NEDD9: variants seen among roughly 807,000 people sequenced by gnomAD.
NEDD9 encodes enhancer of filamentation 1.
NEDD9 carries 26 observed loss-of-function variants against 76.6 expected under a neutral mutation model. The ratio of observed to expected loss-of-function variants is 0.34; its 90% CI spans 0.25 to 0.47. The LOEUF is 0.47. Ranked by LOEUF, NEDD9 falls within the 20% of genes least tolerant of loss-of-function variation. The pLI is 1.00. For synonymous variants in NEDD9, 392 were observed against 414.2 expected (o/e 0.95, Z 0.65); for missense variants, 937 against 1,058.5 (o/e 0.89, Z 1.59).
At chr6:11,242,999 G>A (rs1581979715) in intron 3 of NEDD9, among the ~76,000 whole-genome samples, 1 of 152,164 alleles carries the variant, frequency 6.6e-6, no homozygotes, top group Admixed American at 6.5e-5. Context: ...CAATCAGGCT[G>A]TGCTGCTGAG....
intron 3 of NEDD9, among the ~76,000 whole-genome samples, chr6:11,296,709 C>T (rs1278788593): frequency 7.2e-6 from 1 of 139,078 alleles, no homozygotes; most frequent in East Asian, 2.1e-4. Context: ...TCCTTCCTTC[C>T]TTCCTTCCTT....
chr6:11,343,016 G>C (rs975600224), intron 1 of NEDD9, among the ~76,000 whole-genome samples: 2 of 152,094 alleles, frequency 1.3e-5, no homozygotes, highest in African/African-American at 2.4e-5. Flanking sequence ...TCTGTAGCTT[G>C]ATTAGGGTAG....
chr6:11,237,551 A>G (rs1030949653), upstream of NEDD9, among the ~76,000 whole-genome samples: 2 of 152,180 alleles, frequency 1.3e-5, no homozygotes, highest in Non-Finnish European at 2.9e-5. This position sits in a 1 kb window ranked among gnomAD's most constrained non-coding sequence, Gnocchi z 4.9. Context: ...AATAGCTTTT[A>G]CATTTTTAAG....
chr6:11,238,871 T>C (rs1315378134), intron 3 of NEDD9, among the ~76,000 whole-genome samples: 2 of 152,196 alleles, frequency 1.3e-5, no homozygotes, highest in East Asian at 1.9e-4. Context: ...TTTAAAGTGA[T>C]CTTCATGGCT....
Position 11,198,442 on chromosome 6 carries a change from C to T in NEDD9, c.460-4750G>A, listed in dbSNP as rs1758345516. ...CCATGCCATGTCCTTGTCTGAGATG[C>T]TCTTCTTTCTTTCCTCATATTCAAA... On this transcript the variant is annotated intron_variant, in intron 2 of 6. Coordinates refer to ENST00000379446, the MANE Select transcript of NEDD9 (RefSeq NM_006403.4). This position sits in a 1 kb window ranked among gnomAD's most constrained non-coding sequence, Gnocchi z 4.7. 1 of 152,202 alleles carries T rather than the reference C, an allele frequency of 6.6e-6. No homozygotes were observed. The highest frequency in any genetic ancestry group is 2.4e-5 in the African/African-American group (1 of 41,406). 9.4% of individuals were successfully genotyped at this position (152,202 alleles called of 1,614,324 possible).
chr6:11,232,397 C>A (rs1280287065), intron 1 of NEDD9, 107 bp downstream of exon 1: 10 of 1,413,740 alleles, frequency 7.1e-6, no homozygotes, highest in Non-Finnish European at 1.0e-5. Context: ...TCTTAGAACT[C>A]TCCGGGACAC....
intron 2 of NEDD9, among the ~76,000 whole-genome samples, chr6:11,334,234 G>A (rs368407618): frequency 6.6e-6 from 1 of 152,262 alleles, no homozygotes; most frequent in South Asian, 2.1e-4. Context: ...AACTTAATAG[G>A]ATACACAAAC....
At chr6:11,199,168 G>A (rs1046786236) in intron 2 of NEDD9, 3 of 152,186 alleles carry the variant, frequency 2.0e-5, no homozygotes. Flanking sequence ...AGGAACATAC[G>A]ATTGCTTTAG....
At chr6:11,290,152 G>A (rs942101779) in intron 3 of NEDD9, among the ~76,000 whole-genome samples, 1 of 152,156 alleles carries the variant, frequency 6.6e-6, no homozygotes, top group Non-Finnish European at 1.5e-5. Context: ...ATTTGCCTGT[G>A]TCCATTTCCT....
rs932276670 is a variant in NEDD9 at position 11,200,768 on chromosome 6, T to G, written c.460-7076A>C. ...CCTTGATGATCATCTGTAGAGTTCT[T>G]GGGGTTACTGTTTTCTGCTGTTCGT... On this transcript the variant is annotated intron_variant, in intron 2 of 6. Coordinates refer to ENST00000379446, the MANE Select transcript of NEDD9 (RefSeq NM_006403.4). 5 of 1,414,430 alleles carry G rather than the reference T, an allele frequency of 3.5e-6. No individual in the cohort carries two copies. In the African/African-American group the frequency reaches 7.2e-5, roughly 20 times the overall value. The allele number at this position is 1,414,430 out of a possible 1,614,324, so 87.6% of individuals were successfully genotyped here.
At chr6:11,219,207 C>T (rs1197307901) in intron 1 of NEDD9, among the ~76,000 whole-genome samples, 2 of 152,166 alleles carry the variant, frequency 1.3e-5, no homozygotes, top group South Asian at 2.1e-4. Flanking sequence ...GCCTTTTTTC[C>T]CTTCCCTCAC....
At chr6:11,214,233 A>G (rs1376990827) in intron 1 of NEDD9, 2 of 516,800 alleles carry the variant, frequency 3.9e-6, no homozygotes, top group East Asian at 5.4e-5. Context: ...AGAAGTACAC[A>G]TATATATGCC....
At chr6:11,308,032 C>T (rs779238485) in intron 2 of NEDD9, among the ~76,000 whole-genome samples, 10 of 152,164 alleles carry the variant, frequency 6.6e-5, no homozygotes, top group Non-Finnish European at 1.3e-4. Context: ...ACTTCCTGTT[C>T]AGACGATTCC....
intron 1 of NEDD9, among the ~76,000 whole-genome samples, chr6:11,335,586 G>T (rs1308747390): frequency 6.6e-6 from 1 of 152,124 alleles, no homozygotes; most frequent in Non-Finnish European, 1.5e-5. Flanking sequence ...CTGACCTCTC[G>T]CCAACCGACT....
chr6:11,357,692 A>T, intron 1 of NEDD9, among the ~76,000 whole-genome samples: 1 of 152,190 alleles, frequency 6.6e-6, no homozygotes, highest in Middle Eastern at 3.2e-3. Flanking sequence ...GATCATGCAG[A>T]CCTCGATTAA....
chr6:11,319,434 TCA>T (rs1479990364), intron 2 of NEDD9, among the ~76,000 whole-genome samples: 1 of 148,310 alleles, frequency 6.7e-6, no homozygotes, highest in Admixed American at 6.7e-5. Context: ...ACATGCACAC[TCA>T]CACACTAACA....
At chr6:11,308,869 T>A (rs1413264006) in intron 2 of NEDD9, among the ~76,000 whole-genome samples, 2 of 152,190 alleles carry the variant, frequency 1.3e-5, no homozygotes, top group African/African-American at 4.8e-5. Flanking sequence ...ATGATAAGAA[T>A]CAGATAATAT....
chr6:11,200,240 CA>C (rs34438699), intron 2 of NEDD9: 2 of 454,522 alleles, frequency 4.4e-6, no homozygotes, highest in Admixed American at 2.4e-5. Context: ...GGACTGTATC[CA>C]AAATAAGGAT....
chr6:11,228,313 C>T (rs1759369040), intron 1 of NEDD9, among the ~76,000 whole-genome samples: 1 of 152,084 alleles, frequency 6.6e-6, no homozygotes, highest in East Asian at 1.9e-4. Context: ...GGTGGATCAC[C>T]TGAGGTCAAG....
Sources: allele counts gnomAD v4.1 joint callset (sites outside exome capture counted in the v4.1 genomes callset), GRCh38; gene constraint gnomAD v4.1.1; non-coding constraint Gnocchi (gnomAD v3.1); transcripts MANE v1.5; gene names NCBI Gene and HGNC (gene_info 2026-07-23, HGNC 2026-07-21).